The following ASCC3 variants were observed in gnomAD, a reference collection of about 807,000 sequenced individuals.
ASCC3 encodes activating signal cointegrator 1 complex subunit 3.
A neutral mutation model predicts 256.3 loss-of-function variants in ASCC3; 158 were observed. The observed-to-expected ratio is 0.62, with a 90% CI of 0.54 to 0.70. The LOEUF is 0.70. ASCC3 is among the 30% of genes least tolerant of loss of function. The probability of loss-of-function intolerance (pLI) is 0.00; values close to 1 mark genes in which losing one functional copy is unlikely to be tolerated. For missense variants in ASCC3, 2,259 were observed against 2,626.0 expected (o/e 0.86, Z 3.05); for synonymous variants, 948 against 883.4 (o/e 1.07, Z -1.30).
chr6:100,655,763 G>A lies in ASCC3; in HGVS notation c.2759C>T (p.Thr920Ile). 6.2e-7 allele frequency: 1 copy of A among 1,611,814 alleles called. No individual in the cohort carries two copies. Among genetic ancestry groups the A allele is most frequent in the South Asian group, 1.1e-5 (1 of 91,034 alleles). The change falls in exon 17 of 42, where the codon ACT becomes ATT. Residue 920 changes from threonine (T) to isoleucine (I), a missense_variant. Physicochemically the swap from Thr to Ile is moderately conservative, Grantham distance 89. This residue lies in a region of ASCC3 where 1,839 missense variants were observed against 2,206.7 expected (regional missense o/e 0.83). Transcript: ENST00000369162. ...VEEAVKWISY[T>I]YLYVRMRANP... ...TGCTCTCATCCGTACATAAAGATAA[G>A]TGTAACTTATCCACTTCACTGCTTC...
chr6:100,827,645 C>T (rs1771386355), intron 4 of ASCC3, among the ~76,000 whole-genome samples: 1 of 152,048 alleles, frequency 6.6e-6, no homozygotes, highest in Admixed American at 6.6e-5. Flanking sequence ...ATAAATTTTG[C>T]CCTTTATAAA....
At chr6:100,687,584 C>G (rs1777643106) in intron 13 of ASCC3, among the ~76,000 whole-genome samples, 1 of 151,664 alleles carries the variant, frequency 6.6e-6, no homozygotes, top group African/African-American at 2.4e-5. Flanking sequence ...TAATTGATAA[C>G]AATGAGGTTA....
chr6:100,661,763 A>T, intron 16 of ASCC3, 43 bp downstream of exon 16: 8 of 1,579,914 alleles, frequency 5.1e-6, no homozygotes, highest in Non-Finnish European at 7.0e-6. Flanking sequence ...GTCATTCTTA[A>T]GGCTGATGAT....
intron 10 of ASCC3, among the ~76,000 whole-genome samples, chr6:100,760,927 C>A (rs918029617): frequency 1.3e-5 from 2 of 152,106 alleles, no homozygotes; most frequent in African/African-American, 2.4e-5. Context: ...GAAATAAAGG[C>A]TGGAAACTTC....
intron 10 of ASCC3, among the ~76,000 whole-genome samples, chr6:100,752,042 C>T (rs1780967563): frequency 6.6e-6 from 1 of 151,980 alleles, no homozygotes; most frequent in Non-Finnish European, 1.5e-5. Flanking sequence ...TATAGGAGTC[C>T]TTGGGAAATG....
rs185522543 is a variant in ASCC3 at position 100,659,083 on chromosome 6, T to C, written c.2703+2723A>G. On this transcript the variant is annotated intron_variant, in intron 16 of 41. Coordinates refer to ENST00000369162, the MANE Select transcript of ASCC3 (RefSeq NM_006828.4). ...TCATAACATGTTTGCATTGAAATTA[T>C]AACTTAATATAATAATTTCTCCAGT... Among the ~76,000 whole-genome samples the C allele has an allele frequency of 1.5e-3, 224 of 151,530 alleles. 1 individual carries two copies. Among genetic ancestry groups the C allele is most frequent in the Non-Finnish European group, 2.2e-3 (151 of 67,518 alleles).
At chr6:100,798,656 C>A in intron 8 of ASCC3, 57 bp downstream of exon 8, 2 of 1,605,790 alleles carry the variant, frequency 1.2e-6, no homozygotes, top group Non-Finnish European at 1.7e-6. Flanking sequence ...AGTATAAATT[C>A]ATTCATACCG....
chr6:100,598,286 G>A (rs1218221185), intron 34 of ASCC3, among the ~76,000 whole-genome samples: 1 of 152,138 alleles, frequency 6.6e-6, no homozygotes, highest in Non-Finnish European at 1.5e-5. Flanking sequence ...CTTAGTCAAT[G>A]CATGAAGACA....
chr6:100,807,545 G>C (rs1770251420), intron 4 of ASCC3, among the ~76,000 whole-genome samples: 1 of 151,816 alleles, frequency 6.6e-6, no homozygotes. Flanking sequence ...TCTCATTCTG[G>C]TGACATTTGT....
intron 4 of ASCC3, among the ~76,000 whole-genome samples, chr6:100,820,812 A>C (rs1196856548): frequency 6.6e-6 from 1 of 152,158 alleles, no homozygotes; most frequent in African/African-American, 2.4e-5. Context: ...CCAATATAAA[A>C]ATGAGCAAAT....
intron 4 of ASCC3, among the ~76,000 whole-genome samples, chr6:100,808,230 CTCAA>C (rs1169288117): frequency 9.2e-5 from 14 of 151,666 alleles, no homozygotes; most frequent in African/African-American, 2.4e-4. Flanking sequence ...GCATAACTCA[CTCAA>C]TCAATTATTT....
At chr6:100,756,722 C>T (rs1279242078) in intron 10 of ASCC3, among the ~76,000 whole-genome samples, 2 of 152,006 alleles carry the variant, frequency 1.3e-5, no homozygotes, top group Non-Finnish European at 2.9e-5. Context: ...TCATTGCCTA[C>T]ACAGAAAGTC....
At chr6:100,664,073 C>T (rs747511565) in intron 14 of ASCC3, among the ~76,000 whole-genome samples, 1 of 152,046 alleles carries the variant, frequency 6.6e-6, no homozygotes, top group Non-Finnish European at 1.5e-5. Flanking sequence ...ATTCACTATA[C>T]AATAGGCAGA....
Position 100,661,825 on chromosome 6 carries a change from G to T in ASCC3, c.2684C>A (p.Ala895Glu), listed in dbSNP as rs1292552213. 1 of 1,613,074 alleles carries T rather than the reference G, an allele frequency of 6.2e-7. No individual in the cohort carries two copies. Among genetic ancestry groups the T allele is most frequent in the South Asian group, 1.1e-5 (1 of 91,066 alleles). ...TCTTACCTCTGCATTTAGGTTATCT[G>T]CAAGGCTTTCCAGAAACTGACTCTC... ...PIESQFLESL[A>E]DNLNAEIALG... The change falls in exon 16 of 42, where the codon GCA becomes GAA. Residue 895 changes from alanine (A) to glutamate (E), a missense_variant. Physicochemically the swap from Ala to Glu is moderately radical, Grantham distance 107 (BLOSUM62 -1). This residue lies in a region of ASCC3 where 1,839 missense variants were observed against 2,206.7 expected (regional missense o/e 0.83). Coordinates refer to ENST00000369162, the MANE Select transcript of ASCC3 (RefSeq NM_006828.4).
At chr6:100,526,641 G>A (rs775707657) in intron 37 of ASCC3, among the ~76,000 whole-genome samples, 2 of 152,208 alleles carry the variant, frequency 1.3e-5, no homozygotes, top group Non-Finnish European at 2.9e-5. Flanking sequence ...GGAGAATGGT[G>A]CTTTGTTTTA....
intron 8 of ASCC3, among the ~76,000 whole-genome samples, chr6:100,774,489 C>T (rs1222932045): frequency 6.6e-6 from 1 of 151,838 alleles, no homozygotes; most frequent in Non-Finnish European, 1.5e-5. Flanking sequence ...CCTCAGTCTC[C>T]TGAGTAGCTG....
In ASCC3 at chr6:100,704,344, C is replaced by T. The variant is rs1005073966; in HGVS notation, c.2151+11118G>A. The stretch of plus-strand genomic sequence containing the variant: ...GTGGGAAGCGGAGTAAAGAAAGAAG[C>T]ACTCAAATAATTCACAAATAAAAGT... On this transcript the variant is annotated intron_variant, in intron 13 of 41. Transcript: ENST00000369162. 2.6e-5 allele frequency among the ~76,000 whole-genome samples: 4 copies of T among 151,884 alleles called. No homozygotes were observed. The East Asian group carries it at 7.7e-4, about 29-fold the overall frequency.
chr6:100,516,432 A>T (rs1374437984), intron 38 of ASCC3, 105 bp from the exon 39 acceptor site: 1 of 1,385,056 alleles, frequency 7.2e-7, no homozygotes, highest in Non-Finnish European at 9.9e-7. Context: ...TTTAATTAAG[A>T]AATAACATTT....
chr6:100,562,961 T>C (rs997916702), intron 36 of ASCC3, among the ~76,000 whole-genome samples: 3 of 152,072 alleles, frequency 2.0e-5, no homozygotes, highest in African/African-American at 7.2e-5. Context: ...TTGCCATTTT[T>C]TTTTCAATTT....
Sources: allele counts gnomAD v4.1 joint callset (sites outside exome capture counted in the v4.1 genomes callset), GRCh38; gene constraint gnomAD v4.1.1; regional missense constraint gnomAD v4.1.1; transcripts MANE v1.5; gene names NCBI Gene and HGNC (gene_info 2026-07-23, HGNC 2026-07-21).